CCSER1: variants seen among roughly 807,000 people sequenced by gnomAD.
CCSER1 encodes serine-rich coiled-coil domain-containing protein 1.
CCSER1 carries 41 observed loss-of-function variants against 82.0 expected under a neutral mutation model. The observed-to-expected ratio is 0.50, with a 90% CI of 0.39 to 0.65. CCSER1 has a LOEUF of 0.65. CCSER1 is among the 30% of genes least tolerant of loss of function. The probability of loss-of-function intolerance (pLI) is 0.00; values close to 1 mark genes in which losing one functional copy is unlikely to be tolerated. For missense variants in CCSER1, 1,119 were observed against 1,064.2 expected, an observed-to-expected ratio of 1.05 and a Z score of -0.72; for synonymous variants, 414 against 383.9, an observed-to-expected ratio of 1.08 and a Z score of -0.92.
intron 6 of CCSER1, among the ~76,000 whole-genome samples, chr4:90,633,776 G>A (rs941050014): frequency 6.6e-6 from 1 of 151,864 alleles, no homozygotes; most frequent in African/African-American, 2.4e-5. Context: ...CGACCTCCTA[G>A]ATTTTAATTT....
At chr4:90,620,258 G>T (rs1722062091) in intron 5 of CCSER1, among the ~76,000 whole-genome samples, 1 of 151,710 alleles carries the variant, frequency 6.6e-6, no homozygotes, top group African/African-American at 2.4e-5. Context: ...ATTTAAAAAT[G>T]TAACCCTATT....
chr4:90,597,956 T>C (rs1231536029), intron 5 of CCSER1, among the ~76,000 whole-genome samples: 1 of 152,168 alleles, frequency 6.6e-6, no homozygotes, highest in African/African-American at 2.4e-5. Context: ...CCATGTTGTG[T>C]CAAATGGCAG....
At chr4:90,458,995 A>G (rs1762528630) in intron 4 of CCSER1, among the ~76,000 whole-genome samples, 1 of 152,202 alleles carries the variant, frequency 6.6e-6, no homozygotes, top group Non-Finnish European at 1.5e-5. Context: ...TGTTCTTTCT[A>G]ATGCTATCTA....
rs554893884 is a variant in CCSER1, at chr4:91,085,808, C to T, written c.2173-142C>T. 7 of 609,130 alleles carry T rather than the reference C, an allele frequency of 1.1e-5. No homozygotes were observed. In the South Asian group the frequency reaches 1.2e-4, roughly 11 times the overall value. The allele number at this position is 609,130 out of a possible 1,614,324, so 37.7% of individuals were successfully genotyped here. On this transcript the variant is annotated intron_variant, in intron 9 of 10. Transcript: ENST00000509176. ...TACACACACATAGACACATACACAC[C>T]CATGAGATAGTCATCTATATTCAGA...
At chr4:90,847,082 A>T (rs369790641) in intron 8 of CCSER1, among the ~76,000 whole-genome samples, 3 of 152,174 alleles carry the variant, frequency 2.0e-5, no homozygotes, top group African/African-American at 7.2e-5. Context: ...TTATTTACCA[A>T]TATGTTCTTA....
intron 10 of CCSER1, among the ~76,000 whole-genome samples, chr4:91,226,504 T>C (rs1056615418): frequency 6.6e-6 from 1 of 151,920 alleles, no homozygotes; most frequent in African/African-American, 2.4e-5. Context: ...TTATAGCGTT[T>C]AATATATCTT....
intron 10 of CCSER1, among the ~76,000 whole-genome samples, chr4:91,523,025 C>T (rs1181229308): frequency 6.6e-6 from 1 of 152,010 alleles, no homozygotes; most frequent in Non-Finnish European, 1.5e-5. Context: ...ATAAATAGCT[C>T]TTATTATTTT....
intron 9 of CCSER1, among the ~76,000 whole-genome samples, chr4:91,061,415 C>G (rs148551196): frequency 1.3e-4 from 20 of 152,152 alleles, no homozygotes; most frequent in African/African-American, 4.8e-4. Flanking sequence ...TTTTTCTCAG[C>G]CCTCTCCACC....
intron 10 of CCSER1, among the ~76,000 whole-genome samples, chr4:91,129,085 G>A (rs1375410540): frequency 2.0e-5 from 3 of 151,912 alleles, no homozygotes; most frequent in Non-Finnish European, 2.9e-5. Flanking sequence ...CTAGATGGCC[G>A]AATTTCAAGC....
chr4:90,821,395 G>A (rs1001630382), intron 8 of CCSER1, among the ~76,000 whole-genome samples: 2 of 151,932 alleles, frequency 1.3e-5, no homozygotes, highest in African/African-American at 4.8e-5. Flanking sequence ...GCTAATTGAG[G>A]GCATGGAAAA....
chr4:90,815,575 A>G (rs1046048377), intron 7 of CCSER1, among the ~76,000 whole-genome samples, 187 bp from the exon 8 acceptor site: 1 of 148,562 alleles, frequency 6.7e-6, no homozygotes, highest in African/African-American at 2.4e-5. Context: ...GCATAAAAGC[A>G]TTTTTTGGAT....
intron 10 of CCSER1, among the ~76,000 whole-genome samples, chr4:91,088,865 TC>T (rs1161964737): frequency 1.3e-5 from 2 of 152,154 alleles, no homozygotes; most frequent in Admixed American, 6.6e-5. Context: ...ATTTTTTTTT[TC>T]ATTAAGTGTG....
intron 5 of CCSER1, among the ~76,000 whole-genome samples, chr4:90,623,433 ATG>A (rs1261522921): frequency 6.6e-6 from 1 of 152,150 alleles, no homozygotes; most frequent in Admixed American, 6.5e-5. Context: ...ATGAAGGCCA[ATG>A]TGTTTGGAAC....
chr4:90,883,168 AT>A (rs1721599166), intron 8 of CCSER1, among the ~76,000 whole-genome samples: 1 of 151,950 alleles, frequency 6.6e-6, no homozygotes, highest in Admixed American at 6.6e-5. Flanking sequence ...GTTTCACTGA[AT>A]TTTAGTCAAT....
intron 1 of CCSER1, among the ~76,000 whole-genome samples, chr4:90,298,557 G>T (rs1226282690): frequency 6.6e-6 from 1 of 151,852 alleles, no homozygotes; most frequent in African/African-American, 2.4e-5. Context: ...GTTTGCTCTT[G>T]CTTTTCTGGT....
Position 91,037,401 on chromosome 4 carries a change from C to T in CCSER1, c.2173-48549C>T, listed in dbSNP as rs577205580. Among the ~76,000 whole-genome samples the T allele has an allele frequency of 9.2e-5, 14 of 152,252 alleles. No individual in the cohort carries two copies. The East Asian group carries it at 2.5e-3, about 27-fold the overall frequency. On this transcript the variant is annotated intron_variant, in intron 9 of 10. Transcript: ENST00000509176. ...CAGGAGTCTCTCAGCAAAGCCTTTC[C>T]CCTGTCCTCCTTCTCTAAGAAATCT...
chr4:91,486,718 G>A (rs1470772737), intron 10 of CCSER1, among the ~76,000 whole-genome samples: 1 of 152,044 alleles, frequency 6.6e-6, no homozygotes, highest in Admixed American at 6.6e-5. Flanking sequence ...GAGAGGTCGT[G>A]GATAGATTTT....
rs541903418 is a variant in CCSER1, at chr4:91,242,334, G to T, written c.2217+156340G>T. Among the ~76,000 whole-genome samples, 10 of 152,250 alleles carry T rather than the reference G, an allele frequency of 6.6e-5. No homozygotes were observed. The East Asian group carries it at 1.9e-3, about 29-fold the overall frequency. On this transcript the variant is annotated intron_variant, in intron 10 of 10. Coordinates refer to ENST00000509176, the MANE Select transcript of CCSER1 (RefSeq NM_001145065.2). ...TCATGGAGAATGCACTGTACCTGTT[G>T]TAGTACAGGTTTTAGAGGCTTTATT... is the stretch of plus-strand genomic sequence containing the variant.
chr4:90,962,261 T>A (rs903365942), intron 9 of CCSER1, among the ~76,000 whole-genome samples: 4 of 152,068 alleles, frequency 2.6e-5, no homozygotes, highest in Non-Finnish European at 5.9e-5. Context: ...AAGATAAGCA[T>A]ACTAAGATGT....
Sources: gnomAD v4.1 joint callset for allele counts (sites outside exome capture counted in the v4.1 genomes callset) on GRCh38, gnomAD v4.1.1 for gene constraint, MANE v1.5 for transcripts, NCBI Gene and HGNC (gene_info 2026-07-23, HGNC 2026-07-21) for gene names.